Variants in LRRC4 observed in about 807,000 individuals in gnomAD.
The protein encoded by LRRC4 is leucine-rich repeat-containing protein 4.
In LRRC4, 11 loss-of-function variants were observed where a neutral mutation model predicts 37.9. That is an observed-to-expected ratio of 0.29 (90% CI 0.18 to 0.48). The LOEUF (loss-of-function observed/expected upper bound fraction) is 0.48. Ranked by LOEUF, LRRC4 falls within the 20% of genes least tolerant of loss-of-function variation. LRRC4 has a pLI of 0.99. For missense variants in LRRC4, 717 were observed against 842.1 expected (o/e 0.85, Z 1.84); for synonymous variants, 404 against 346.7 (o/e 1.17, Z -1.84).
upstream of LRRC4, chr7:128,031,605 C>A (rs1044734734): frequency 6.7e-6 from 1 of 149,304 alleles, no homozygotes; most frequent in Non-Finnish European, 1.5e-5. Flanking sequence ...GGCGCTCCGT[C>A]CGGCCCCCGA....
In LRRC4 at chr7:128,030,029, G is replaced by A. The variant is rs771491079; in HGVS notation, c.612C>T (p.Gly204=). 1 of 1,613,180 alleles carries A rather than the reference G, an allele frequency of 6.2e-7. No individual in the cohort carries two copies. The highest frequency in any genetic ancestry group is 8.5e-7 in the Non-Finnish European group (1 of 1,180,014). ...GLFNLKYLNL[G]MCNIKDMPNL... is the part of the protein sequence containing the mutation. The stretch of plus-strand genomic sequence containing the variant: ...TGGGCATGTCTTTAATGTTGCACAT[G>A]CCCAAGTTCAGATACTTGAGGTTGA... Residue 204 remains glycine, a synonymous_variant, in exon 2 of 2, where the codon GGC becomes GGT. Coordinates refer to ENST00000249363, the MANE Select transcript of LRRC4 (RefSeq NM_022143.5).
In LRRC4 at chr7:128,030,427, C is replaced by T; in HGVS notation, c.214G>A (p.Gly72Ser). ...AGGTACCGGGTGTTCGAGGGAATAC[C>T]CTGCGGGACCTCGGAGAGGCCCCGG... ...TRRGLSEVPQ[G>S]IPSNTRYLNL... Residue 72 changes from glycine (G) to serine (S), a missense_variant, in exon 2 of 2, where the codon GGT becomes AGT. By Grantham distance (56) the Gly-to-Ser change is moderately conservative. Transcript: ENST00000249363. 1 of 1,613,870 alleles carries T rather than the reference C, an allele frequency of 6.2e-7. No individual in the cohort carries two copies. The highest frequency in any genetic ancestry group is 8.5e-7 in the Non-Finnish European group (1 of 1,180,026).
rs1446832956 is a variant in LRRC4 at position 128,027,102 on chromosome 7, A to G, written c.*1577T>C. 1 of 152,650 alleles carries G rather than the reference A, an allele frequency of 6.6e-6. No homozygotes were observed. Among genetic ancestry groups the G allele is most frequent in the Non-Finnish European group, 1.5e-5 (1 of 68,048 alleles). 9.5% of individuals were successfully genotyped at this position (152,650 alleles called of 1,614,324 possible). A position where few individuals can be genotyped will look rare whatever the true frequency, so the allele number is the denominator to read the frequency against. On this transcript the variant is annotated 3_prime_UTR_variant, in exon 2 of 2. Coordinates refer to ENST00000249363, the MANE Select transcript of LRRC4 (RefSeq NM_022143.5). ...ATTCAACAATATTTATTAAAATACA[A>G]AAATACACTTTTCTCACATTACAAT...
Position 128,030,574 on chromosome 7 carries a change from A to G in LRRC4, c.67T>C (p.Tyr23His), listed in dbSNP as rs1183352557. 3.7e-6 allele frequency: 6 copies of G among 1,608,356 alleles called. No homozygotes were observed. Among genetic ancestry groups the G allele is most frequent in the Non-Finnish European group, 4.3e-6 (5 of 1,176,046 alleles). ...TWNAILLPFV[Y>H]LTAQVWILCA... The stretch of plus-strand genomic sequence containing the variant: ...AGAATCCACACTTGCGCCGTGAGGT[A>G]GACGAACGGGAGCAGGATGGCATTC... The change falls in exon 2 of 2, where the codon TAC (tyrosine) becomes CAC (histidine). Residue 23 changes from tyrosine (Y) to histidine (H), a missense_variant. Coordinates refer to ENST00000249363, the MANE Select transcript of LRRC4 (RefSeq NM_022143.5).
chr7:128,028,561 C>T lies in LRRC4; in HGVS notation c.*118G>A. The T allele has an allele frequency of 1.9e-5, 17 of 889,604 alleles. No individual in the cohort carries two copies. The highest frequency in any genetic ancestry group is 1.3e-4 in the South Asian group (5 of 39,832). 55.1% of individuals were successfully genotyped at this position (889,604 alleles called of 1,614,324 possible). A position where few individuals can be genotyped will look rare whatever the true frequency, so the allele number is the denominator to read the frequency against. On this transcript the variant is annotated 3_prime_UTR_variant, in exon 2 of 2. Coordinates refer to ENST00000249363, the MANE Select transcript of LRRC4 (RefSeq NM_022143.5). Reference sequence around the variant, plus strand: ...TTTAATATAATCTGTTTTTTTTAACCAGCCCATAGACTTAATATATAAGCA... The same window carrying T: ...TTTAATATAATCTGTTTTTTTTAACTAGCCCATAGACTTAATATATAAGCA...
rs994885092 is a variant in LRRC4 at position 128,030,063 on chromosome 7, T to G, written c.578A>C (p.Glu193Ala). The change falls in exon 2 of 2, where the codon GAG becomes GCG. Residue 193 changes from glutamate (E) to alanine (A), a missense_variant. Around this residue, in one of 5 missense-constraint regions of LRRC4, gnomAD observed 138 missense variants for 261.0 expected, o/e 0.53. Coordinates refer to ENST00000249363, the MANE Select transcript of LRRC4 (RefSeq NM_022143.5). ...KLEYISEGAF[E>A]GLFNLKYLNL... ...CAGATACTTGAGGTTGAACAGCCCC[T>G]CAAAAGCTCCCTCAGAGATATACTC... The G allele has an allele frequency of 1.6e-5, 26 of 1,613,238 alleles. No individual in the cohort carries two copies. Among genetic ancestry groups the G allele is most frequent in the African/African-American group, 1.3e-5 (1 of 74,910 alleles).
chr7:128,028,764 G>C lies in LRRC4; in HGVS notation c.1877C>G (p.Ser626Cys), dbSNP rs1409387751. ...GATAGTGGTGACTGTGGGGTGCAGA[G>C]AGTTCCCCAGGCTGTTTTCTGTCCA... ...AHWTENSLGN[S>C]LHPTVTTISE... The change falls in exon 2 of 2, where the codon TCT becomes TGT. Residue 626 changes from serine (S) to cysteine (C), a missense_variant. Ser to Cys is a moderately radical substitution (Grantham distance 112). Coordinates refer to ENST00000249363, the MANE Select transcript of LRRC4 (RefSeq NM_022143.5). The C allele has an allele frequency of 6.2e-7, 1 of 1,614,002 alleles. No individual in the cohort carries two copies. Among genetic ancestry groups the C allele is most frequent in the African/African-American group, 1.3e-5 (1 of 74,916 alleles).
chr7:128,030,227 G>A lies in LRRC4; in HGVS notation c.414C>T (p.Ile138=), dbSNP rs764950668. 7 of 1,614,114 alleles carry A rather than the reference G, an allele frequency of 4.3e-6. No homozygotes were observed. Among genetic ancestry groups the A allele is most frequent in the African/African-American group, 4.0e-5 (3 of 74,936 alleles). The change falls in exon 2 of 2, where the codon ATC becomes ATT. Residue 138 remains isoleucine, a synonymous_variant. Coordinates refer to ENST00000249363, the MANE Select transcript of LRRC4 (RefSeq NM_022143.5). ...LELFDNWLTV[I]PSGAFEYLSK... is the part of the protein sequence containing the mutation. Reference sequence around the variant, plus strand: ...ACAGGTATTCAAAGGCCCCGCTAGGGATGACTGTCAGCCAGTTGTCGAACA... The same window carrying A: ...ACAGGTATTCAAAGGCCCCGCTAGGAATGACTGTCAGCCAGTTGTCGAACA...
chr7:128,028,654 T>G lies in LRRC4; in HGVS notation c.*25A>C. The G allele has an allele frequency of 6.3e-7, 1 of 1,590,710 alleles. No homozygotes were observed. The highest frequency in any genetic ancestry group is 8.6e-7 in the Non-Finnish European group (1 of 1,167,984). Reference sequence around the variant, plus strand: ...GTCTTTGTGTGCATTCTATTGCATTTTATAAGTTTTTTGGGGGAGGGGAGT... The same window carrying G: ...GTCTTTGTGTGCATTCTATTGCATTGTATAAGTTTTTTGGGGGAGGGGAGT... On this transcript the variant is annotated 3_prime_UTR_variant, in exon 2 of 2. Transcript: ENST00000249363.
rs1226587967 is a variant in LRRC4, at chr7:128,028,583, A to C, written c.*96T>G. 1.8e-6 allele frequency: 2 copies of C among 1,142,124 alleles called. No individual in the cohort carries two copies. The highest frequency in any genetic ancestry group is 3.1e-5 in the African/African-American group (2 of 64,138). The allele number at this position is 1,142,124 out of a possible 1,614,324, so 70.7% of individuals were successfully genotyped here. A position where few individuals can be genotyped will look rare whatever the true frequency, so the allele number is the denominator to read the frequency against. On this transcript the variant is annotated 3_prime_UTR_variant, in exon 2 of 2. Transcript: ENST00000249363. ...AACCAGCCCATAGACTTAATATATA[A>C]GCATATACAAGAAAAAGTCTCTCCC...
In LRRC4 at chr7:128,031,286, C is replaced by T. The variant is rs954891794; in HGVS notation, c.-474G>A. On this transcript the variant is annotated 5_prime_UTR_variant, in exon 1 of 2. Transcript: ENST00000249363. ...GCCGCGGGGGAAGGCGCTTCATCGC[C>T]AAAGTGCGCTCCGGCGGCCCCGGCC... Among the ~76,000 whole-genome samples the T allele has an allele frequency of 2.0e-5, 3 of 146,870 alleles. No individual in the cohort carries two copies. The highest frequency in any genetic ancestry group is 4.5e-5 in the Non-Finnish European group (3 of 66,184).
At position 128,029,840 on chromosome 7, in the gene LRRC4, T is replaced by C; in HGVS notation, c.801A>G (p.Ser267=). 2 of 1,613,532 alleles carry C rather than the reference T, an allele frequency of 1.2e-6. No homozygotes were observed. Among genetic ancestry groups the C allele is most frequent in the Non-Finnish European group, 1.7e-6 (2 of 1,180,018 alleles). ...IERNAFDGLA[S]LVELNLAHNN... ...TGTGGGCCAAGTTGAGTTCCACAAG[T>C]GAAGCCAGCCCGTCAAAAGCATTCC... Residue 267 remains serine (S), a synonymous_variant, in exon 2 of 2, where the codon TCA becomes TCG. Transcript: ENST00000249363. The surrounding 1 kb of genome is among the most constrained non-coding windows in gnomAD (Gnocchi z 4.2).
chr7:128,028,479 T>A lies in LRRC4; in HGVS notation c.*200A>T. 1.7e-4 allele frequency: 61 copies of A among 366,252 alleles called. No individual in the cohort carries two copies. The highest frequency in any genetic ancestry group is 2.2e-4 in the Non-Finnish European group (45 of 204,392). The allele number at this position is 366,252 out of a possible 1,614,324, so 22.7% of individuals were successfully genotyped here. On this transcript the variant is annotated 3_prime_UTR_variant, in exon 2 of 2. Transcript: ENST00000249363. ...GTTCCCAAGATTCCCCCCCACCCCC[T>A]TTAAATAGAACTTACAAGTTAGAAA...
chr7:128,030,691 G>T lies in LRRC4; in HGVS notation c.-51C>A. ...TCGCCTGGGATTTTGGCTCGGAAAG[G>T]AGAACCAGCCCTACCCCGGCTTAAG... On this transcript the variant is annotated 5_prime_UTR_variant, in exon 2 of 2. Transcript: ENST00000249363. 6.6e-7 allele frequency: 1 copy of T among 1,524,030 alleles called. No individual in the cohort carries two copies. Among genetic ancestry groups the T allele is most frequent in the South Asian group, 1.3e-5 (1 of 77,212 alleles). The allele number at this position is 1,524,030 out of a possible 1,614,324, so 94.4% of individuals were successfully genotyped here.
In LRRC4 at chr7:128,030,664, C is replaced by T; in HGVS notation, c.-24G>A. The T allele has an allele frequency of 6.5e-7, 1 of 1,527,854 alleles. No individual in the cohort carries two copies. Among genetic ancestry groups the T allele is most frequent in the Non-Finnish European group, 8.8e-7 (1 of 1,134,390 alleles). The allele number at this position is 1,527,854 out of a possible 1,614,324, so 94.6% of individuals were successfully genotyped here. ...ATGGTGTGGCACGTTCATAATTCACCATCGCCTGGGATTTTGGCTCGGAAA... is the reference window on the plus strand; with the variant it reads ...ATGGTGTGGCACGTTCATAATTCACTATCGCCTGGGATTTTGGCTCGGAAA... On this transcript the variant is annotated 5_prime_UTR_variant, in exon 2 of 2. It removes an upstream start codon present in the reference 5' UTR. Transcript: ENST00000249363.
Position 128,028,981 on chromosome 7 carries a change from G to A in LRRC4, c.1660C>T (p.His554Tyr). ...GCTGTGACTGTACTCCGCTGCTGGT[G>A]CCGCTTACGAAGTTTATAGAAGACA... ...LIVFYKLRKR[H>Y]QQRSTVTAAR... The change falls in exon 2 of 2, where the codon CAC (histidine) becomes TAC (tyrosine). Residue 554 changes from histidine (H) to tyrosine (Y), a missense_variant. Transcript: ENST00000249363. The A allele has an allele frequency of 6.2e-7, 1 of 1,610,766 alleles. No homozygotes were observed. Among genetic ancestry groups the A allele is most frequent in the South Asian group, 1.1e-5 (1 of 90,600 alleles).
At position 128,029,083 on chromosome 7, in the gene LRRC4, C is replaced by G. The variant is rs560143316; in HGVS notation, c.1558G>C (p.Asp520His). The G allele has an allele frequency of 6.2e-7, 1 of 1,614,036 alleles. No homozygotes were observed. Among genetic ancestry groups the G allele is most frequent in the East Asian group, 2.2e-5 (1 of 44,872 alleles). The stretch of plus-strand genomic sequence containing the variant: ...ATCTTGGTGGTCTTCATGACTTCAT[C>G]CAGGCTGGTCTGCATCTTGTCAGTG... ...DTTDKMQTSL[D>H]EVMKTTKIII... is the part of the protein sequence containing the mutation. The change falls in exon 2 of 2, where the codon GAT becomes CAT. Residue 520 changes from aspartate (D) to histidine (H), a missense_variant. Physicochemically the swap from Asp to His is moderately conservative, Grantham distance 81. Around this residue, in one of 5 missense-constraint regions of LRRC4, gnomAD observed 19 missense variants for 40.7 expected, o/e 0.47. Transcript: ENST00000249363. The surrounding 1 kb of genome is among the most constrained non-coding windows in gnomAD (Gnocchi z 4.2).
At position 128,030,740 on chromosome 7, in the gene LRRC4, T is replaced by A; in HGVS notation, c.-100A>T. ...AGTGAGCTAGGAGCTCCTCTTTCCA[T>A]CTGGAGAAGGAGGTGGGGAGGGGGC... On this transcript the variant is annotated splice_region_variant and 5_prime_UTR_variant, in exon 2 of 2. An upstream start codon of the reference 5' UTR is lost. Transcript: ENST00000249363. The A allele has an allele frequency of 7.1e-7, 1 of 1,409,948 alleles. No individual in the cohort carries two copies. The highest frequency in any genetic ancestry group is 1.4e-5 in the African/African-American group (1 of 69,490). The allele number at this position is 1,409,948 out of a possible 1,614,324, so 87.3% of individuals were successfully genotyped here. A position where few individuals can be genotyped will look rare whatever the true frequency, so the allele number is the denominator to read the frequency against.
In LRRC4 at chr7:128,029,312, C is replaced by T; in HGVS notation, c.1329G>A (p.Thr443=). 1 of 1,614,120 alleles carries T rather than the reference C, an allele frequency of 6.2e-7. No homozygotes were observed. Residue 443 remains threonine, a synonymous_variant, in exon 2 of 2, where the codon ACG becomes ACA. Transcript: ENST00000249363. The surrounding 1 kb of genome is among the most constrained non-coding windows in gnomAD (Gnocchi z 4.2). ...TGTAGTTGGAGGTGTTAAGCTCAGC[C>T]GTGCTCACATTGAGGTAGGCCGAGG... The part of the protein sequence containing the change: ...SNASAYLNVS[T]AELNTSNYSF...
Sources: allele counts gnomAD v4.1 joint callset (sites outside exome capture counted in the v4.1 genomes callset), GRCh38; gene constraint gnomAD v4.1.1; regional missense constraint gnomAD v4.1.1; non-coding constraint Gnocchi (gnomAD v3.1); transcripts MANE v1.5; gene names NCBI Gene and HGNC (gene_info 2026-07-23, HGNC 2026-07-21).